The following NIPA1 variants were observed in gnomAD, a reference collection of about 807,000 sequenced individuals.
NIPA1 encodes the protein magnesium transporter NIPA1.
Under a neutral mutation model 23.9 loss-of-function variants are expected in NIPA1, and 13 were observed. The observed-to-expected ratio is 0.54, with a 90% CI of 0.35 to 0.87. The LOEUF (loss-of-function observed/expected upper bound fraction) is 0.87. Among genes scored for constraint, NIPA1 ranks in the 40% least tolerant of loss-of-function variants. The pLI, the probability that NIPA1 is intolerant of heterozygous loss-of-function variation, is 0.01. For missense variants in NIPA1, 362 were observed against 429.7 expected (o/e 0.84, Z 1.39); for synonymous variants, 234 against 202.9 (o/e 1.15, Z -1.30).
At chr15:22,804,496 G>A (rs765204645) in intron 1 of NIPA1, among the ~76,000 whole-genome samples, 1 of 152,122 alleles carries the variant, frequency 6.6e-6, no homozygotes, top group South Asian at 2.1e-4. Context: ...CTATCTGGTC[G>A]GTGCTTTTGA....
chr15:22,787,335 AT>A (rs937736866), intron 1 of NIPA1, among the ~76,000 whole-genome samples: 2 of 152,150 alleles, frequency 1.3e-5, no homozygotes, highest in African/African-American at 4.8e-5. Context: ...AAGACCTGGG[AT>A]TTCCAGTCCC....
intron 2 of NIPA1, 55 bp from the exon 3 acceptor site, chr15:22,812,108 G>C (rs1895329430): frequency 1.5e-6 from 2 of 1,290,850 alleles, no homozygotes; most frequent in Middle Eastern, 3.7e-4. Flanking sequence ...ACTGTGATCA[G>C]TGCTGGAAGA....
rs1331466116 is a variant in NIPA1, at chr15:22,826,169, G to A, written c.*1930G>A. 1 of 152,150 alleles carries A rather than the reference G, an allele frequency of 6.6e-6. No homozygotes were observed. Among genetic ancestry groups the A allele is most frequent in the Non-Finnish European group, 1.5e-5 (1 of 68,042 alleles). The allele number at this position is 152,150 out of a possible 1,614,324, so 9.4% of individuals were successfully genotyped here. On this transcript the variant is annotated 3_prime_UTR_variant, in exon 5 of 5. Coordinates refer to ENST00000337435, the MANE Select transcript of NIPA1 (RefSeq NM_144599.5). Reference sequence around the variant, plus strand: ...GTTGAGTAAAGAGGCTAAATAAAATGAGACTAGTTTAATATAGAGAGAAAA... The same window carrying A: ...GTTGAGTAAAGAGGCTAAATAAAATAAGACTAGTTTAATATAGAGAGAAAA...
At chr15:22,816,485 CCTTTT>C (rs1303346863) in intron 3 of NIPA1, among the ~76,000 whole-genome samples, 2 of 52,678 alleles carry the variant, frequency 3.8e-5, no homozygotes, top group Non-Finnish European at 8.2e-5. Context: ...CCGCACCCAG[CCTTTT>C]TTTTTTTTTT....
intron 3 of NIPA1, chr15:22,814,034 T>C: frequency 3.2e-6 from 3 of 950,606 alleles, no homozygotes; most frequent in Non-Finnish European, 4.4e-6. Flanking sequence ...TCATGCACTT[T>C]GATGATTAAG....
At chr15:22,789,287 G>A (rs1894780518) in intron 1 of NIPA1, among the ~76,000 whole-genome samples, 1 of 152,030 alleles carries the variant, frequency 6.6e-6, no homozygotes, top group Admixed American at 6.6e-5. Flanking sequence ...CCAACACTCG[G>A]CCTATATTAT....
chr15:22,827,216 T>A lies in NIPA1; in HGVS notation c.*2977T>A, dbSNP rs991089606. The stretch of plus-strand genomic sequence containing the variant: ...GATAGATACTTAAATAGGCTATTTC[T>A]CTCCTCTTCTTGGGCAATGCCTTGT... On this transcript the variant is annotated 3_prime_UTR_variant, in exon 5 of 5. Coordinates refer to ENST00000337435, the MANE Select transcript of NIPA1 (RefSeq NM_144599.5). 1.3e-5 allele frequency: 2 copies of A among 152,210 alleles called. No homozygotes were observed. The highest frequency in any genetic ancestry group is 6.5e-5 in the Admixed American group (1 of 15,280). 9.4% of individuals were successfully genotyped at this position (152,210 alleles called of 1,614,324 possible).
chr15:22,799,549 A>G (rs537406684), intron 1 of NIPA1, among the ~76,000 whole-genome samples: 21 of 151,988 alleles, frequency 1.4e-4, no homozygotes, highest in East Asian at 7.8e-4. Context: ...TTGGGAGGCC[A>G]AGGTGGGCAG....
intron 1 of NIPA1, among the ~76,000 whole-genome samples, chr15:22,804,444 G>A (rs552783380): frequency 1.1e-4 from 16 of 152,210 alleles, no homozygotes; most frequent in Non-Finnish European, 2.1e-4. Flanking sequence ...TGAGGAGCAC[G>A]AATGTTTAGT....
intron 1 of NIPA1, among the ~76,000 whole-genome samples, chr15:22,809,243 C>T (rs1017374660): frequency 7.9e-5 from 12 of 151,924 alleles, no homozygotes; most frequent in Admixed American, 4.6e-4. Context: ...AAAAATTAGC[C>T]GCACGTGGTG....
chr15:22,787,334 G>T (rs11635335), intron 1 of NIPA1, among the ~76,000 whole-genome samples: 38,250 of 152,164 alleles, frequency 0.25, 6,120 homozygotes, highest in Non-Finnish European at 0.36. Flanking sequence ...CAAGACCTGG[G>T]ATTTCCAGTC....
chr15:22,792,595 T>TCAGGA (rs2140848158), intron 1 of NIPA1, among the ~76,000 whole-genome samples: 1 of 151,576 alleles, frequency 6.6e-6, no homozygotes, highest in South Asian at 2.1e-4. Context: ...CCTGACCTCG[T>TCAGGA]GATCTGCCTT....
intron 1 of NIPA1, among the ~76,000 whole-genome samples, chr15:22,798,855 A>C (rs1895001783): frequency 6.6e-6 from 1 of 151,312 alleles, no homozygotes; most frequent in African/African-American, 2.4e-5. Context: ...AAAAAAAAAA[A>C]AAAAAAACCT....
chr15:22,815,682 T>A (rs1416222126), intron 3 of NIPA1, among the ~76,000 whole-genome samples: 1 of 150,294 alleles, frequency 6.7e-6, no homozygotes, highest in Non-Finnish European at 1.5e-5. Flanking sequence ...GAACTAATTC[T>A]CTTATGAATA....
chr15:22,809,834 G>A (rs1364196477), intron 1 of NIPA1, among the ~76,000 whole-genome samples: 1 of 152,028 alleles, frequency 6.6e-6, no homozygotes, highest in Non-Finnish European at 1.5e-5. Flanking sequence ...GAGATCGGGA[G>A]TTCAAGATCA....
chr15:22,801,991 AACAGGGAATG>A (rs1359575370), intron 1 of NIPA1, among the ~76,000 whole-genome samples: 2 of 152,192 alleles, frequency 1.3e-5, no homozygotes, highest in African/African-American at 4.8e-5. Context: ...TTCCATCTGA[AACAGGGAATG>A]ACATTTCCCA....
chr15:22,819,786 T>C (rs1214561059), intron 3 of NIPA1, among the ~76,000 whole-genome samples: 1 of 152,218 alleles, frequency 6.6e-6, no homozygotes, highest in East Asian at 1.9e-4. Flanking sequence ...CTTTTATTTT[T>C]GGTCAGTCAT....
rs888559616 is a variant in NIPA1, at chr15:22,810,858, G to A, written c.226+62G>A. On this transcript the variant is annotated intron_variant, in intron 2 of 4. Transcript: ENST00000337435. ...TTCTTAGAATCCATCACTGGTCTGG[G>A]CAGGGCTGGAGTGGCTGGGCTAGGG... is the stretch of plus-strand genomic sequence containing the variant. The A allele has an allele frequency of 2.3e-6, 3 of 1,320,672 alleles. No homozygotes were observed. In the Admixed American group the frequency reaches 5.0e-5, roughly 22 times the overall value. 81.8% of individuals were successfully genotyped at this position (1,320,672 alleles called of 1,614,324 possible). A position where few individuals can be genotyped will look rare whatever the true frequency, so the allele number is the denominator to read the frequency against.
At position 22,793,897 on chromosome 15, in the gene NIPA1, T is replaced by C. The variant is rs541453435; in HGVS notation, c.178+7063T>C. Reference sequence around the variant, plus strand: ...GGGAGTAAATATGTAGATTTATTTCTGGGTTCTTTATTCTGTCCCATTGGT... The same window carrying C: ...GGGAGTAAATATGTAGATTTATTTCCGGGTTCTTTATTCTGTCCCATTGGT... On this transcript the variant is annotated intron_variant, in intron 1 of 4. Transcript: ENST00000337435. 1.5e-4 allele frequency among the ~76,000 whole-genome samples: 23 copies of C among 152,290 alleles called. 1 individual carries two copies. In the South Asian group the frequency reaches 3.5e-3, roughly 23 times the overall value.
Sources: gnomAD v4.1 joint callset for allele counts (sites outside exome capture counted in the v4.1 genomes callset) on GRCh38, gnomAD v4.1.1 for gene constraint, MANE v1.5 for transcripts, NCBI Gene and HGNC (gene_info 2026-07-23, HGNC 2026-07-21) for gene names.